The following CCSER1 variants were observed in gnomAD, a reference collection of about 807,000 sequenced individuals.
The protein encoded by CCSER1 is coiled-coil serine rich protein 1.
CCSER1 carries 41 observed loss-of-function variants against 82.0 expected under a neutral mutation model. That is an observed-to-expected ratio of 0.50 (90% CI 0.39 to 0.65). The LOEUF (loss-of-function observed/expected upper bound fraction) is 0.65, where lower values mean the gene tolerates loss of function less well. Ranked by LOEUF, CCSER1 falls within the 30% of genes least tolerant of loss-of-function variation. The pLI is 0.00. For synonymous variants in CCSER1, 414 were observed against 383.9 expected, an observed-to-expected ratio of 1.08 and a Z score of -0.92; for missense variants, 1,119 against 1,064.2, an observed-to-expected ratio of 1.05 and a Z score of -0.72.
rs570554798 is a variant in CCSER1 at position 90,930,874 on chromosome 4, T to G, written c.2172+7427T>G. On this transcript the variant is annotated intron_variant, in intron 9 of 10. Coordinates refer to ENST00000509176, the MANE Select transcript of CCSER1 (RefSeq NM_001145065.2). ...TGCTTTCCTTTGATGTGGTCTACAA[T>G]CAGGAAAAATTTGCAAAAGGAAATT... 3.6e-3 allele frequency among the ~76,000 whole-genome samples: 517 copies of G among 142,212 alleles called. 5 individuals are homozygous for G. The highest frequency in any genetic ancestry group is 0.013 in the African/African-American group (497 of 39,124). The allele number at this position is 142,212 out of a possible 152,430, so 93.3% of individuals were successfully genotyped here.
At position 90,693,860 on chromosome 4, in the gene CCSER1, G is replaced by A. The variant is rs536880471; in HGVS notation, c.1933-30054G>A. ...TGCATATTTTGCACAATGCTATGAGGAGGAAAAGAAGAAAGAGAGAAAGAA... is the reference window on the plus strand; with the variant it reads ...TGCATATTTTGCACAATGCTATGAGAAGGAAAAGAAGAAAGAGAGAAAGAA... On this transcript the variant is annotated intron_variant, in intron 6 of 10. Transcript: ENST00000509176. Among the ~76,000 whole-genome samples the A allele has an allele frequency of 4.6e-5, 7 of 151,566 alleles. No homozygotes were observed. In the South Asian group the frequency reaches 1.2e-3, roughly 27 times the overall value.
intron 1 of CCSER1, among the ~76,000 whole-genome samples, chr4:90,232,172 C>T (rs997838962): frequency 6.6e-6 from 1 of 152,096 alleles, no homozygotes; most frequent in African/African-American, 2.4e-5. Context: ...CAAGTCAATC[C>T]TAATCCAAAA....
intron 10 of CCSER1, among the ~76,000 whole-genome samples, chr4:91,578,034 A>G (rs1189781849): frequency 1.3e-5 from 2 of 152,002 alleles, no homozygotes; most frequent in Non-Finnish European, 2.9e-5. Context: ...AGGCTCCCCA[A>G]TTTTGATGCA....
chr4:91,185,862 G>T (rs2149039100), intron 10 of CCSER1, among the ~76,000 whole-genome samples: 1 of 152,182 alleles, frequency 6.6e-6, no homozygotes, highest in Admixed American at 6.5e-5. Flanking sequence ...TCTCAGTCTT[G>T]CCATTGCCTG....
intron 7 of CCSER1, among the ~76,000 whole-genome samples, chr4:90,771,330 G>A (rs539970409): frequency 1.3e-3 from 195 of 151,350 alleles, no homozygotes; most frequent in African/African-American, 4.4e-3. Context: ...GGATTTATTC[G>A]ATAATTATCT....
At chr4:91,317,365 T>C (rs1463542530) in intron 10 of CCSER1, among the ~76,000 whole-genome samples, 2 of 151,930 alleles carry the variant, frequency 1.3e-5, no homozygotes, top group African/African-American at 4.8e-5. Context: ...TTTTCTCACA[T>C]CTTTGAGATC....
rs538236040 is a variant in CCSER1 at position 90,215,088 on chromosome 4, T to C, written c.-42+87257T>C. Reference sequence around the variant, plus strand: ...GTGCTATATTTTTCTCTTTACATTATGTTTTTCTGGTTGAATAGAATTCTA... The same window carrying C: ...GTGCTATATTTTTCTCTTTACATTACGTTTTTCTGGTTGAATAGAATTCTA... On this transcript the variant is annotated intron_variant, in intron 1 of 10. Coordinates refer to ENST00000509176, the MANE Select transcript of CCSER1 (RefSeq NM_001145065.2). Among the ~76,000 whole-genome samples the C allele has an allele frequency of 1.6e-3, 237 of 152,320 alleles. 2 individuals carry two copies. Among genetic ancestry groups the C allele is most frequent in the African/African-American group, 5.3e-3 (222 of 41,584 alleles).
chr4:90,265,483 T>A (rs1725074464), intron 1 of CCSER1, among the ~76,000 whole-genome samples: 1 of 151,878 alleles, frequency 6.6e-6, no homozygotes, highest in Admixed American at 6.6e-5. Context: ...AAATGAAAAT[T>A]TGTGATTATT....
At chr4:90,549,246 G>A (rs995861936) in intron 5 of CCSER1, among the ~76,000 whole-genome samples, 2 of 152,140 alleles carry the variant, frequency 1.3e-5, no homozygotes, top group Non-Finnish European at 2.9e-5. Context: ...ATCATAATAT[G>A]AGAACATTTC....
chr4:90,273,837 GA>G (rs1727049989), intron 1 of CCSER1, among the ~76,000 whole-genome samples: 1 of 152,048 alleles, frequency 6.6e-6, no homozygotes, highest in Admixed American at 6.6e-5. Flanking sequence ...GAAAGGAAGG[GA>G]AAGAAGCACC....
chr4:90,229,479 A>G (rs1349385744), intron 1 of CCSER1, among the ~76,000 whole-genome samples: 2 of 152,216 alleles, frequency 1.3e-5, no homozygotes, highest in African/African-American at 2.4e-5. Flanking sequence ...AGTGCCAAAC[A>G]TGGAAAGGAA....
At chr4:90,689,729 C>T (rs570033421) in intron 6 of CCSER1, among the ~76,000 whole-genome samples, 19 of 152,144 alleles carry the variant, frequency 1.2e-4, no homozygotes, top group African/African-American at 2.6e-4. Flanking sequence ...AGGAAATGAA[C>T]GACAAAGAAC....
intron 10 of CCSER1, among the ~76,000 whole-genome samples, chr4:91,582,644 C>A (rs1172212437): frequency 6.6e-6 from 1 of 151,406 alleles, no homozygotes; most frequent in Non-Finnish European, 1.5e-5. Flanking sequence ...TAGGTTGGTG[C>A]AAAAGTAATT....
At chr4:90,947,181 G>A (rs1020489252) in intron 9 of CCSER1, among the ~76,000 whole-genome samples, 2 of 152,164 alleles carry the variant, frequency 1.3e-5, no homozygotes, top group African/African-American at 2.4e-5. Context: ...ATCAACATAT[G>A]CCTACAAGTG....
chr4:91,309,642 C>A (rs1745319237), intron 10 of CCSER1, among the ~76,000 whole-genome samples: 1 of 151,980 alleles, frequency 6.6e-6, no homozygotes, highest in South Asian at 2.1e-4. Flanking sequence ...AAAAGGCTTG[C>A]AGCTCTTGTA....
chr4:90,467,473 C>T (rs1388761813), intron 4 of CCSER1, among the ~76,000 whole-genome samples: 1 of 152,074 alleles, frequency 6.6e-6, no homozygotes, highest in Non-Finnish European at 1.5e-5. Context: ...ATCTCGAGGT[C>T]AGGAGTTCAA....
chr4:90,234,028 T>C (rs1745249957), intron 1 of CCSER1, among the ~76,000 whole-genome samples: 1 of 152,180 alleles, frequency 6.6e-6, no homozygotes, highest in East Asian at 1.9e-4. Flanking sequence ...AATGTTGTGC[T>C]TATATGATAT....
intron 10 of CCSER1, among the ~76,000 whole-genome samples, chr4:91,404,915 T>C (rs1453858507): frequency 6.6e-6 from 1 of 152,222 alleles, no homozygotes; most frequent in African/African-American, 2.4e-5. Flanking sequence ...TTAGGTCCAC[T>C]TGGTGCAGAG....
chr4:91,043,964 A>G (rs958231999), intron 9 of CCSER1, among the ~76,000 whole-genome samples: 6 of 152,150 alleles, frequency 3.9e-5, no homozygotes, highest in African/African-American at 1.4e-4. Flanking sequence ...TATTATAACT[A>G]ATCTAGAATT....
Sources: allele counts gnomAD v4.1 joint callset (sites outside exome capture counted in the v4.1 genomes callset), GRCh38; gene constraint gnomAD v4.1.1; transcripts MANE v1.5; gene names NCBI Gene and HGNC (gene_info 2026-07-23, HGNC 2026-07-21).